The following TRAPPC12 variants were observed in gnomAD, a reference collection of about 807,000 sequenced individuals.
TRAPPC12 encodes trafficking protein particle complex subunit 12, also known as TPR repeat protein 15.
In TRAPPC12, 61 loss-of-function variants were observed where a neutral mutation model predicts 69.2. That is an observed-to-expected ratio of 0.88 (90% CI 0.72 to 1.09). TRAPPC12 has a LOEUF of 1.09. Among genes scored for constraint, TRAPPC12 ranks in the 50% least tolerant of loss-of-function variants. The pLI is 0.00. For missense variants in TRAPPC12, 1,101 were observed against 1,016.4 expected, an observed-to-expected ratio of 1.08 and a Z score of -1.13; for synonymous variants, 469 against 438.9, an observed-to-expected ratio of 1.07 and a Z score of -0.86.
At chr2:3,409,400 T>G (rs1281352833) in intron 3 of TRAPPC12, among the ~76,000 whole-genome samples, 1 of 152,156 alleles carries the variant, frequency 6.6e-6, no homozygotes, top group Non-Finnish European at 1.5e-5. Flanking sequence ...AAATGGTAAA[T>G]AATGTGTTTT....
intron 1 of TRAPPC12, among the ~76,000 whole-genome samples, chr2:3,384,634 G>C (rs145723478): frequency 7.9e-4 from 121 of 152,268 alleles, no homozygotes; most frequent in African/African-American, 2.9e-3. Context: ...ACCTGAGTTT[G>C]GTAGAAAATA....
In TRAPPC12 at chr2:3,478,822, C is replaced by T. The variant is rs752507139; in HGVS notation, c.1878-24C>T. Reference sequence around the variant, plus strand: ...GCAGCTCCTGGGCTTTCCCCGCTAACTGCCACCGTTGCTTGTGTTACAGCG... The same window carrying T: ...GCAGCTCCTGGGCTTTCCCCGCTAATTGCCACCGTTGCTTGTGTTACAGCG... On this transcript the variant is annotated intron_variant, in intron 10 of 11. Transcript: ENST00000324266. 3.7e-6 allele frequency: 6 copies of T among 1,611,092 alleles called. No individual in the cohort carries two copies. In the Admixed American group the frequency reaches 5.0e-5, roughly 13 times the overall value.
intron 9 of TRAPPC12, among the ~76,000 whole-genome samples, chr2:3,468,842 C>G (rs148428504): frequency 5.9e-5 from 9 of 152,322 alleles, no homozygotes; most frequent in Admixed American, 1.3e-4. Flanking sequence ...CTGCTCACCC[C>G]CAATGCCGCA....
In TRAPPC12 at chr2:3,407,516, C is replaced by A. The variant is rs147545384; in HGVS notation, c.1164+5623C>A. Among the ~76,000 whole-genome samples the A allele has an allele frequency of 7.9e-5, 12 of 152,260 alleles. No individual in the cohort carries two copies. The East Asian group carries it at 2.1e-3, about 27-fold the overall frequency. The stretch of plus-strand genomic sequence containing the variant: ...TAGATTCTGATTTTAAAAATAGTTT[C>A]TTTGCTTCATATTTCTGACATCTAT... On this transcript the variant is annotated intron_variant, in intron 3 of 11. Coordinates refer to ENST00000324266, the MANE Select transcript of TRAPPC12 (RefSeq NM_016030.6).
intron 3 of TRAPPC12, among the ~76,000 whole-genome samples, chr2:3,409,364 TCA>T (rs1444031747): frequency 2.0e-5 from 3 of 152,176 alleles, no homozygotes; most frequent in Non-Finnish European, 4.4e-5. Context: ...TCAGAAAAAA[TCA>T]CCATTTGGGA....
chr2:3,384,905 C>T (rs34342801), intron 1 of TRAPPC12, among the ~76,000 whole-genome samples: 5,713 of 152,214 alleles, frequency 0.038, 127 homozygotes, highest in South Asian at 0.061. Flanking sequence ...GAAGACTTAA[C>T]TACTGGTTAT....
chr2:3,434,962 C>T (rs999307900), intron 5 of TRAPPC12, among the ~76,000 whole-genome samples: 2 of 152,186 alleles, frequency 1.3e-5, no homozygotes, highest in Admixed American at 6.5e-5. Context: ...CAGGAGGAGC[C>T]GATCACCCTC....
intron 6 of TRAPPC12, among the ~76,000 whole-genome samples, chr2:3,448,509 A>G (rs965758988): frequency 2.8e-4 from 42 of 152,180 alleles, no homozygotes; most frequent in African/African-American, 1.0e-3. Context: ...AAACAGAGTG[A>G]AAAGAAATGA....
At chr2:3,475,258 T>A (rs958649669) in intron 9 of TRAPPC12, among the ~76,000 whole-genome samples, 1 of 142,850 alleles carries the variant, frequency 7.0e-6, no homozygotes, top group Non-Finnish European at 1.5e-5. Context: ...ACCTGGTGCT[T>A]ACAGCCACAC....
intron 3 of TRAPPC12, among the ~76,000 whole-genome samples, chr2:3,407,371 T>C (rs1661789258): frequency 6.6e-6 from 1 of 152,278 alleles, no homozygotes; most frequent in South Asian, 2.1e-4. Flanking sequence ...AGTTTTTATC[T>C]AAAATCTTTA....
At chr2:3,463,031 GAA>G (rs2103147469) in intron 8 of TRAPPC12, 1 of 457,304 alleles carries the variant, frequency 2.2e-6, no homozygotes, top group South Asian at 1.6e-5. Flanking sequence ...CTGCTGAAAA[GAA>G]ATGGTGAAGA....
intron 9 of TRAPPC12, among the ~76,000 whole-genome samples, chr2:3,469,701 G>A (rs1665978288): frequency 6.6e-6 from 1 of 152,160 alleles, no homozygotes; most frequent in African/African-American, 2.4e-5. Context: ...CCTTATGTGC[G>A]TGCATCTCTC....
chr2:3,439,199 A>T (rs1244493282), intron 5 of TRAPPC12, among the ~76,000 whole-genome samples: 3 of 152,192 alleles, frequency 2.0e-5, no homozygotes, highest in Non-Finnish European at 2.9e-5. Flanking sequence ...ATGACATATG[A>T]TGATGAGCAT....
At chr2:3,466,505 T>G in intron 9 of TRAPPC12, 1 of 414,370 alleles carries the variant, frequency 2.4e-6, no homozygotes, top group South Asian at 1.8e-5. Flanking sequence ...GGAGGCCACA[T>G]AGATAATGGG....
rs1411406967 is a variant in TRAPPC12 at position 3,389,583 on chromosome 2, G to A, written c.1047+913G>A. 8.9e-6 allele frequency: 4 copies of A among 449,302 alleles called. No individual in the cohort carries two copies. The East Asian group carries it at 2.8e-4, about 32-fold the overall frequency. The allele number at this position is 449,302 out of a possible 1,614,324, so 27.8% of individuals were successfully genotyped here. A position where few individuals can be genotyped will look rare whatever the true frequency, so the allele number is the denominator to read the frequency against. On this transcript the variant is annotated intron_variant, in intron 2 of 11. Coordinates refer to ENST00000324266, the MANE Select transcript of TRAPPC12 (RefSeq NM_016030.6). ...ACACAGCTCTTTTCGACCCGCATCTGCTGCCGGACTAACGGGCATCTTAAC... is the reference window on the plus strand; with the variant it reads ...ACACAGCTCTTTTCGACCCGCATCTACTGCCGGACTAACGGGCATCTTAAC...
At chr2:3,467,024 G>A (rs879689706) in intron 9 of TRAPPC12, among the ~76,000 whole-genome samples, 2 of 152,234 alleles carry the variant, frequency 1.3e-5, no homozygotes, top group African/African-American at 2.4e-5. Flanking sequence ...AGAAGTAGAT[G>A]CTGAATTGCT....
chr2:3,422,434 AAAAAG>A (rs1248195741), intron 4 of TRAPPC12, among the ~76,000 whole-genome samples: 1 of 152,188 alleles, frequency 6.6e-6, no homozygotes, highest in Non-Finnish European at 1.5e-5. Context: ...AAAAAAAAGA[AAAAAG>A]AAAAGGGAAT....
chr2:3,467,209 G>A (rs548019059), intron 9 of TRAPPC12, among the ~76,000 whole-genome samples: 25 of 152,274 alleles, frequency 1.6e-4, no homozygotes, highest in Middle Eastern at 6.8e-3. Flanking sequence ...CTCGGTGTTC[G>A]CTTTTCTGAG....
intron 8 of TRAPPC12, among the ~76,000 whole-genome samples, chr2:3,461,117 C>G (rs1042646914): frequency 6.6e-6 from 1 of 152,228 alleles, no homozygotes; most frequent in Non-Finnish European, 1.5e-5. Context: ...CAAGGTCATT[C>G]CTGAGCTTGA....
Sources: gnomAD v4.1 joint callset for allele counts (sites outside exome capture counted in the v4.1 genomes callset) on GRCh38, gnomAD v4.1.1 for gene constraint, MANE v1.5 for transcripts, NCBI Gene and HGNC (gene_info 2026-07-23, HGNC 2026-07-21) for gene names.